Variants in P2RY8 observed in about 807,000 individuals in gnomAD.
P2RY8 encodes the protein P2Y receptor family member 8, also known as S-geranylgeranyl-glutathione receptor P2RY8.
A neutral mutation model predicts 10.0 loss-of-function variants in P2RY8; 6 were observed. The ratio of observed to expected loss-of-function variants is 0.60; its 90% CI spans 0.33 to 1.19. The LOEUF is 1.19. Among genes scored for constraint, P2RY8 ranks in the 50% most tolerant of loss-of-function variants. The pLI, the probability that P2RY8 is intolerant of heterozygous loss-of-function variation, is 0.04. For missense variants in P2RY8, 456 were observed against 542.0 expected (o/e 0.84, Z 1.58); for synonymous variants, 276 against 252.5 (o/e 1.09, Z -0.88).
At chrX:1,521,939 G>A (rs1168883817) in intron 1 of P2RY8, among the ~76,000 whole-genome samples, 2 of 92,462 alleles carry the variant, frequency 2.2e-5, no homozygotes, top group Admixed American at 2.7e-4. Flanking sequence ...TTTCTCTCTC[G>A]CTCTCTTTTT....
Position 1,495,577 on chromosome X carries a change from T to C in P2RY8, c.-24-28995A>G, listed in dbSNP as rs189772617. On this transcript the variant is annotated intron_variant, in intron 1 of 1. Transcript: ENST00000381297. ...TCCAGCCTCCAGGACTGTGGGAGAA[T>C]CAATGTTTGTTGTTTCTAAGCTGCC... Among the ~76,000 whole-genome samples, 204 of 131,464 alleles carry C rather than the reference T, an allele frequency of 1.6e-3. 4 individuals carry two copies. The highest frequency in any genetic ancestry group is 0.014 in the Admixed American group (180 of 13,230). 86.2% of individuals were successfully genotyped at this position (131,464 alleles called of 152,430 possible).
intron 1 of P2RY8, among the ~76,000 whole-genome samples, chrX:1,505,215 T>C (rs2092221338): frequency 6.6e-6 from 1 of 151,454 alleles, no homozygotes; most frequent in African/African-American, 2.4e-5. Context: ...TCAGAGGACC[T>C]GAGCTGGGTT....
rs776707412 is a variant in P2RY8 at position 1,507,167 on chromosome X, C to T, written c.-25+29754G>A. ...TGGTCTACTGTTTCCAAAAGCCTCC[C>T]GAAGCCCTTGCGTACATGCAACACC... is the stretch of plus-strand genomic sequence containing the variant. On this transcript the variant is annotated intron_variant, in intron 1 of 1. Coordinates refer to ENST00000381297, the MANE Select transcript of P2RY8 (RefSeq NM_178129.5). Among the ~76,000 whole-genome samples the T allele has an allele frequency of 3.0e-4, 46 of 152,084 alleles. 1 individual carries two copies. In the South Asian group the frequency reaches 7.5e-3, roughly 25 times the overall value.
rs775246796 is a variant in P2RY8, at chrX:1,464,348, C to T, written c.*1131G>A. 4.3e-6 allele frequency: 1 copy of T among 233,584 alleles called. No individual in the cohort carries two copies. Among genetic ancestry groups the T allele is most frequent in the South Asian group, 1.8e-4 (1 of 5,532 alleles). 14.5% of individuals were successfully genotyped at this position (233,584 alleles called of 1,614,324 possible). A position where few individuals can be genotyped will look rare whatever the true frequency, so the allele number is the denominator to read the frequency against. ...ACAGACAAAGACCCAGCCTGCTCAC[C>T]ACCCACACAGCAGGGAGGGGGCTCA... On this transcript the variant is annotated 3_prime_UTR_variant, in exon 2 of 2. Coordinates refer to ENST00000381297, the MANE Select transcript of P2RY8 (RefSeq NM_178129.5).
rs751507371 is a variant in P2RY8 at position 1,467,236 on chromosome X, T to C, written c.-24-654A>G. The stretch of plus-strand genomic sequence containing the variant: ...ACCAACCCGCAGCCTCCAAAGTCTT[T>C]CCAGCTTTTAACACCCGCGTCAACC... On this transcript the variant is annotated intron_variant, in intron 1 of 1. Coordinates refer to ENST00000381297, the MANE Select transcript of P2RY8 (RefSeq NM_178129.5). 3.9e-5 allele frequency among the ~76,000 whole-genome samples: 6 copies of C among 152,278 alleles called. No individual in the cohort carries two copies. In the South Asian group the frequency reaches 1.0e-3, roughly 26 times the overall value.
chrX:1,468,703 C>G (rs2091727790), intron 1 of P2RY8, among the ~76,000 whole-genome samples: 2 of 150,584 alleles, frequency 1.3e-5, no homozygotes, highest in African/African-American at 2.4e-5. Context: ...GGTGGGCGCT[C>G]AGGGGCTGTA....
chrX:1,510,961 G>A (rs868415398), intron 1 of P2RY8, among the ~76,000 whole-genome samples: 40 of 151,902 alleles, frequency 2.6e-4, no homozygotes, highest in South Asian at 8.3e-4. Context: ...GGTGGATCAC[G>A]GGGTCAGGAG....
At chrX:1,498,128 CG>C (rs2092134830) in intron 1 of P2RY8, among the ~76,000 whole-genome samples, 1 of 151,978 alleles carries the variant, frequency 6.6e-6, no homozygotes, top group Non-Finnish European at 1.5e-5. Context: ...TTGATGAGGC[CG>C]GGCGCGGTGG....
chrX:1,476,048 T>A (rs2091869345), intron 1 of P2RY8, among the ~76,000 whole-genome samples: 1 of 152,146 alleles, frequency 6.6e-6, no homozygotes, highest in Admixed American at 6.6e-5. Flanking sequence ...CATGTGGATC[T>A]ATGGCACAGG....
intron 1 of P2RY8, among the ~76,000 whole-genome samples, chrX:1,519,355 T>C (rs1309224355): frequency 2.0e-5 from 3 of 151,028 alleles, no homozygotes; most frequent in Non-Finnish European, 4.4e-5. Context: ...ATCATCTTTC[T>C]GATTCCAATA....
chrX:1,482,014 G>A lies in P2RY8; in HGVS notation c.-24-15432C>T, dbSNP rs140369391. On this transcript the variant is annotated intron_variant, in intron 1 of 1. Coordinates refer to ENST00000381297, the MANE Select transcript of P2RY8 (RefSeq NM_178129.5). ...ACGCCCCGTGGAGATTTTGATCTGC[G>A]TCTTCTGCAAAGGCAGCGGCCGCGT... 5.1e-4 allele frequency among the ~76,000 whole-genome samples: 78 copies of A among 152,294 alleles called. No homozygotes were observed. In the East Asian group the frequency reaches 0.014, roughly 27 times the overall value.
chrX:1,499,075 C>T (rs776593375), intron 1 of P2RY8, among the ~76,000 whole-genome samples: 39 of 151,794 alleles, frequency 2.6e-4, no homozygotes, highest in Non-Finnish European at 5.3e-4. Context: ...TCTTGTGATC[C>T]ACCCGCCTCA....
At chrX:1,533,878 TTA>T (rs1173368140) in intron 1 of P2RY8, among the ~76,000 whole-genome samples, 2 of 122,558 alleles carry the variant, frequency 1.6e-5, no homozygotes, top group African/African-American at 6.6e-5. Flanking sequence ...TATTTATTAT[TTA>T]TATATTATAT....
At chrX:1,514,739 T>C (rs867330400) in intron 1 of P2RY8, among the ~76,000 whole-genome samples, 2 of 6,178 alleles carry the variant, frequency 3.2e-4, no homozygotes, top group East Asian at 0.021. Context: ...TTCCTTCCCT[T>C]CCTTCCCTTC....
chrX:1,473,425 A>T (rs2091822955), intron 1 of P2RY8, among the ~76,000 whole-genome samples: 1 of 142,826 alleles, frequency 7.0e-6, no homozygotes, highest in Non-Finnish European at 1.5e-5. Context: ...AGATAGATGG[A>T]TGTGTGGGTG....
intron 1 of P2RY8, among the ~76,000 whole-genome samples, chrX:1,489,165 GGGAATGAATGAATGACACCCA>G (rs2092016379): frequency 6.6e-6 from 1 of 152,118 alleles, no homozygotes; most frequent in Admixed American, 6.5e-5. Context: ...CAAAAGTGGA[GGGAATGAATGAATGACACCCA>G]GGATTCACTT....
intron 1 of P2RY8, among the ~76,000 whole-genome samples, chrX:1,494,710 A>G (rs1393620651): frequency 6.6e-6 from 1 of 151,846 alleles, no homozygotes; most frequent in Non-Finnish European, 1.5e-5. Context: ...CATAGTCACT[A>G]TTTGTTTTCT....
At chrX:1,473,759 G>T (rs1344389818) in intron 1 of P2RY8, among the ~76,000 whole-genome samples, 2 of 149,510 alleles carry the variant, frequency 1.3e-5, no homozygotes, top group Non-Finnish European at 1.5e-5. Flanking sequence ...GAATGGATGG[G>T]GATGGGTAGA....
At chrX:1,533,209 G>A (rs2092493327) in intron 1 of P2RY8, among the ~76,000 whole-genome samples, 1 of 150,320 alleles carries the variant, frequency 6.7e-6, no homozygotes, top group African/African-American at 2.4e-5. Context: ...TAACCAAATG[G>A]CACGTGTTTC....
Sources: gnomAD v4.1 joint callset for allele counts (sites outside exome capture counted in the v4.1 genomes callset) on GRCh38, gnomAD v4.1.1 for gene constraint, MANE v1.5 for transcripts, NCBI Gene and HGNC (gene_info 2026-07-23, HGNC 2026-07-21) for gene names.